Variants in ZNF718 observed in about 807,000 individuals in gnomAD.
The protein encoded by ZNF718 is zinc finger protein 718.
Under a neutral mutation model 2.6 loss-of-function variants are expected in ZNF718, and 3 were observed. The observed-to-expected ratio is 1.16, with a 90% CI of 0.53 to 3.01. ZNF718 has a LOEUF of 3.01. ZNF718 is among the 30% of genes most tolerant of loss of function. The pLI, the probability that ZNF718 is intolerant of heterozygous loss-of-function variation, is 0.03. For synonymous variants in ZNF718, 135 were observed against 77.9 expected (o/e 1.73, Z -3.86); for missense variants, 468 against 230.0 (o/e 2.03, Z -6.69).
intron 3 of ZNF718, among the ~76,000 whole-genome samples, chr4:146,666 C>G (rs187985831): frequency 3.3e-5 from 5 of 151,898 alleles, no homozygotes; most frequent in Admixed American, 1.3e-4. Context: ...AAATATGTAC[C>G]TTTTTATGGT....
rs183117883 is a variant in ZNF718, at chr4:159,225, A to G, written c.227-1687A>G. ...TAATTTTTTTGTATTTTTAGTAGAG[A>G]CAGGGTTTCACCATGTTGGCAAGGA... is the stretch of plus-strand genomic sequence containing the variant. On this transcript the variant is annotated intron_variant, in intron 3 of 3. Coordinates refer to ENST00000510175, the MANE Select transcript of ZNF718 (RefSeq NM_001039127.6). Among the ~76,000 whole-genome samples the G allele has an allele frequency of 1.2e-3, 183 of 151,884 alleles. 1 individual carries two copies. The highest frequency in any genetic ancestry group is 3.4e-3 in the Middle Eastern group (1 of 294).
chr4:161,673 A>C lies in ZNF718; in HGVS notation c.988A>C (p.Lys330Gln), dbSNP rs1560122815. 1 of 779,486 alleles carries C rather than the reference A, an allele frequency of 1.3e-6. No individual in the cohort carries two copies. Among genetic ancestry groups the C allele is most frequent in the Non-Finnish European group, 2.4e-6 (1 of 417,214 alleles). 48.3% of individuals were successfully genotyped at this position (779,486 alleles called of 1,614,324 possible). A position where few individuals can be genotyped will look rare whatever the true frequency, so the allele number is the denominator to read the frequency against. Residue 330 changes from lysine (K) to glutamine (Q), a missense_variant, in exon 4 of 4, where the codon AAG (lysine) becomes CAG (glutamine). Lys to Gln is a moderately conservative substitution (Grantham distance 53). Transcript: ENST00000510175. ...CACATCCTCAGACTTTGCTAAACAT[A>C]AGAGAATTCATACAGGAGAGAAACC... ...FTTSSDFAKHKRIHTGEKPYK... is the reference protein window; with the variant it reads ...FTTSSDFAKHQRIHTGEKPYK...
In ZNF718 at chr4:140,151, G is replaced by A. The variant is rs782269418; in HGVS notation, c.226+8646G>A. On this transcript the variant is annotated intron_variant, in intron 3 of 3. Coordinates refer to ENST00000510175, the MANE Select transcript of ZNF718 (RefSeq NM_001039127.6). ...TCCCTTACCGTACTCAACTGGCTAC[G>A]GAACAAAAAGGCCCACCCGGCATCC... 1.2e-3 allele frequency among the ~76,000 whole-genome samples: 177 copies of A among 151,966 alleles called. 3 individuals carry two copies. The highest frequency in any genetic ancestry group is 3.7e-4 in the Non-Finnish European group (25 of 68,004).
intron 3 of ZNF718, chr4:136,314 G>A: frequency 1.9e-6 from 1 of 514,764 alleles, no homozygotes; most frequent in South Asian, 1.4e-5. Context: ...CTAGAACTGA[G>A]TCACAGGACT....
At chr4:157,739 T>G (rs1268785085) in intron 3 of ZNF718, among the ~76,000 whole-genome samples, 2 of 152,156 alleles carry the variant, frequency 1.3e-5, no homozygotes, top group Admixed American at 6.6e-5. Context: ...TTGAGGGTCT[T>G]TTTGTGGCCT....
intron 1 of ZNF718, chr4:124,996 T>C (rs1715135352): frequency 6.6e-6 from 2 of 302,908 alleles, no homozygotes; most frequent in South Asian, 3.6e-5. Context: ...GTCCCTACTT[T>C]ACCCTGTTCA....
chr4:170,809 G>A (rs112857943), intron 3 of ZNF718, among the ~76,000 whole-genome samples: 2,261 of 152,116 alleles, frequency 0.015, 64 homozygotes, highest in African/African-American at 0.051. Context: ...CCTTTAGTTC[G>A]GAGTAGTTTG....
Position 162,008 on chromosome 4 carries a change from TAAG to T in ZNF718, c.1326_1328del (p.Lys443del). On this transcript the variant is annotated inframe_deletion, in exon 4 of 4. Coordinates refer to ENST00000510175, the MANE Select transcript of ZNF718 (RefSeq NM_001039127.6). ...AACAGTCCTCACACTTGAATAAACA[TAAG>T]AAAATTCACACTGTAGATAAACCCT... 1 of 779,024 alleles carries T rather than the reference TAAG, an allele frequency of 1.3e-6. No individual in the cohort carries two copies. The highest frequency in any genetic ancestry group is 1.7e-5 in the African/African-American group (1 of 59,164). 48.3% of individuals were successfully genotyped at this position (779,024 alleles called of 1,614,324 possible).
At chr4:181,829 T>C (rs1290027092) in intron 3 of ZNF718, among the ~76,000 whole-genome samples, 4 of 152,108 alleles carry the variant, frequency 2.6e-5, no homozygotes, top group Admixed American at 1.3e-4. Context: ...TCACCTTCCA[T>C]ACTCAGGCCC....
At chr4:126,080 A>G (rs1470537599) in intron 1 of ZNF718, among the ~76,000 whole-genome samples, 2 of 151,904 alleles carry the variant, frequency 1.3e-5, no homozygotes, top group East Asian at 3.9e-4. Flanking sequence ...CCCTGCCCCC[A>G]CCCCATGGCT....
At chr4:200,646 ATAT>A (rs1457066748) in intron 3 of ZNF718, among the ~76,000 whole-genome samples, 2 of 152,160 alleles carry the variant, frequency 1.3e-5, no homozygotes, top group Non-Finnish European at 2.9e-5. Context: ...AACTCAGTAA[ATAT>A]TATTTGGCAT....
chr4:141,234 C>A (rs1553810193), intron 3 of ZNF718, among the ~76,000 whole-genome samples: 3 of 151,736 alleles, frequency 2.0e-5, no homozygotes, highest in African/African-American at 7.3e-5. Flanking sequence ...AAAGTTGGTT[C>A]AAATTACAGA....
intron 3 of ZNF718, among the ~76,000 whole-genome samples, chr4:179,472 G>A (rs1030039740): frequency 6.6e-6 from 1 of 152,196 alleles, no homozygotes; most frequent in Non-Finnish European, 1.5e-5. Flanking sequence ...GCATCACTGA[G>A]TAGTATTGAC....
chr4:177,674 C>A lies in ZNF718; in HGVS notation c.227-23407C>A, dbSNP rs530920239. Among the ~76,000 whole-genome samples the A allele has an allele frequency of 2.0e-5, 3 of 152,276 alleles. No homozygotes were observed. The East Asian group carries it at 5.8e-4, about 29-fold the overall frequency. On this transcript the variant is annotated intron_variant and NMD_transcript_variant, in intron 3 of 4. Coordinates refer to the ZNF718 transcript ENST00000642529. ...TTTTTTCCCTGCTGGAAAACTGTGTCCCTACACATTTTCTCTGGAGACTGC... is the reference window on the plus strand; with the variant it reads ...TTTTTTCCCTGCTGGAAAACTGTGTACCTACACATTTTCTCTGGAGACTGC...
At chr4:126,844 T>A (rs1393072832) in intron 1 of ZNF718, among the ~76,000 whole-genome samples, 50 of 151,744 alleles carry the variant, frequency 3.3e-4, no homozygotes, top group Non-Finnish European at 6.5e-4. Flanking sequence ...TTTTTTTTTT[T>A]AAGACGGAGT....
At chr4:145,747 C>T (rs1463630820) in intron 3 of ZNF718, among the ~76,000 whole-genome samples, 7 of 152,108 alleles carry the variant, frequency 4.6e-5, no homozygotes, top group Admixed American at 3.3e-4. Flanking sequence ...CATGAGACAT[C>T]ACACCCAGTG....
At chr4:154,947 G>A (rs1716494385) in intron 3 of ZNF718, among the ~76,000 whole-genome samples, 1 of 152,162 alleles carries the variant, frequency 6.6e-6, no homozygotes, top group African/African-American at 2.4e-5. Context: ...GTTGGGCCTA[G>A]GCCCCCCTTC....
At chr4:186,097 T>A (rs1335970932) in intron 3 of ZNF718, among the ~76,000 whole-genome samples, 5 of 151,936 alleles carry the variant, frequency 3.3e-5, no homozygotes, top group African/African-American at 1.2e-4. Context: ...TGTCACTGGC[T>A]GACACTATGA....
chr4:198,958 AG>A (rs368191563), intron 3 of ZNF718, among the ~76,000 whole-genome samples: 66 of 152,352 alleles, frequency 4.3e-4, no homozygotes, highest in African/African-American at 1.3e-3. Context: ...CATTGAGCAC[AG>A]GCAAGTAACT....
Sources: gnomAD v4.1 joint callset for allele counts (sites outside exome capture counted in the v4.1 genomes callset) on GRCh38, gnomAD v4.1.1 for gene constraint, MANE v1.5 for transcripts, NCBI Gene and HGNC (gene_info 2026-07-23, HGNC 2026-07-21) for gene names.